Variants in SON observed in about 807,000 individuals in gnomAD.
SON encodes the protein SON DNA and RNA binding protein, also known as protein SON.
Under a neutral mutation model 173.3 loss-of-function variants are expected in SON, and 4 were observed. The ratio of observed to expected loss-of-function variants is 0.02; its 90% CI spans 0.01 to 0.05. SON has a LOEUF of 0.05. Among genes scored for constraint, SON ranks in the 10% least tolerant of loss-of-function variants. The pLI is 1.00. For missense variants in SON, 2,626 were observed against 3,055.3 expected (o/e 0.86, Z 3.31); for synonymous variants, 1,190 against 1,105.9 (o/e 1.08, Z -1.51).
In SON at chr21:33,553,428, G is replaced by A. The variant is rs776922819; in HGVS notation, c.4197G>A (p.Glu1399=). 6.2e-7 allele frequency: 1 copy of A among 1,614,178 alleles called. No individual in the cohort carries two copies. The highest frequency in any genetic ancestry group is 8.5e-7 in the Non-Finnish European group (1 of 1,180,002). The change falls in exon 3 of 12, where the codon GAG becomes GAA. Residue 1399 remains glutamate, a synonymous_variant. Transcript: ENST00000356577. Reference sequence around the variant, plus strand: ...TCCCGGAGCCTCCTGTTGTGGCTGAGCCAGACTATGTTACCATTCCTGTGC... The same window carrying A: ...TCCCGGAGCCTCCTGTTGTGGCTGAACCAGACTATGTTACCATTCCTGTGC... The part of the protein sequence containing the change: ...VTVPEPPVVA[E]PDYVTIPVPV...
intron 8 of SON, among the ~76,000 whole-genome samples, chr21:33,572,806 A>G (rs1476733820): frequency 6.6e-6 from 1 of 150,878 alleles, no homozygotes; most frequent in Non-Finnish European, 1.5e-5. Flanking sequence ...TTTTCTAAGT[A>G]AAATATTTAT....
At chr21:33,560,758 C>A in intron 6 of SON, 1 of 314,630 alleles carries the variant, frequency 3.2e-6, no homozygotes, top group Non-Finnish European at 4.6e-6. Context: ...TAGTTGTCAT[C>A]GCCTCTTGCC....
intron 6 of SON, among the ~76,000 whole-genome samples, chr21:33,563,510 G>A (rs1171517286): frequency 1.3e-5 from 2 of 151,970 alleles, no homozygotes; most frequent in South Asian, 4.1e-4. Flanking sequence ...TTTTATGCCT[G>A]CTTTTGAGAT....
intron 6 of SON, among the ~76,000 whole-genome samples, chr21:33,565,938 A>C (rs1230171397): frequency 6.6e-6 from 1 of 152,194 alleles, no homozygotes; most frequent in Non-Finnish European, 1.5e-5. Context: ...GAAGGTAAGA[A>C]AGATTTGTGA....
Position 33,552,751 on chromosome 21 carries a change from G to C in SON, c.3520G>C (p.Glu1174Gln). Reference protein sequence around the residue: ...EPPMTPPLPPEEPPEGPALPT... With the variant: ...EPPMTPPLPPQEPPEGPALPT... Reference sequence around the variant, plus strand: ...ACCAATGACACCACCATTGCCTCCTGAGGAACCACCAGAGGGTCCAGCATT... The same window carrying C: ...ACCAATGACACCACCATTGCCTCCTCAGGAACCACCAGAGGGTCCAGCATT... The change falls in exon 3 of 12, where the codon GAG becomes CAG. Residue 1174 changes from glutamate to glutamine, a missense_variant. Physicochemically the swap from Glu to Gln is conservative, Grantham distance 29. Around this residue, in one of 13 missense-constraint regions of SON, gnomAD observed 366 missense variants for 448.6 expected, o/e 0.82. Transcript: ENST00000356577. This position sits in a 1 kb window ranked among gnomAD's most constrained non-coding sequence, Gnocchi z 5.6. The C allele has an allele frequency of 6.2e-7, 1 of 1,613,874 alleles. No individual in the cohort carries two copies. Among genetic ancestry groups the C allele is most frequent in the Non-Finnish European group, 8.5e-7 (1 of 1,180,026 alleles).
intron 1 of SON, chr21:33,543,569 T>G (rs1601247637): frequency 1.2e-5 from 3 of 259,590 alleles, no homozygotes; most frequent in Non-Finnish European, 1.5e-5. Context: ...TGCCGGCCGG[T>G]GCCTATGACC....
rs2085854788 is a variant in SON, at chr21:33,553,187, G to A, written c.3956G>A (p.Gly1319Glu). 2 of 1,614,008 alleles carry A rather than the reference G, an allele frequency of 1.2e-6. No homozygotes were observed. The highest frequency in any genetic ancestry group is 1.7e-5 in the Admixed American group (1 of 60,010). Residue 1319 changes from glycine (G) to glutamate (E), a missense_variant, in exon 3 of 12, where the codon GGA (glycine) becomes GAA (glutamate). This residue lies in a region of SON where 1,006 missense variants were observed against 895.6 expected (regional missense o/e 1.12). Transcript: ENST00000356577. The part of the protein sequence containing the change: ...AETFDSMRAS[G>E]HVASEVSTSL... The stretch of plus-strand genomic sequence containing the variant: ...ACATTTGATTCCATGAGAGCCTCAG[G>A]ACATGTTGCCTCAGAAGTATCTACA...
At position 33,552,772 on chromosome 21, in the gene SON, G is replaced by T; in HGVS notation, c.3541G>T (p.Ala1181Ser). 1 of 1,613,760 alleles carries T rather than the reference G, an allele frequency of 6.2e-7. No homozygotes were observed. Among genetic ancestry groups the T allele is most frequent in the Non-Finnish European group, 8.5e-7 (1 of 1,180,022 alleles). The change falls in exon 3 of 12, where the codon GCA becomes TCA. Residue 1181 changes from alanine to serine, a missense_variant. Transcript: ENST00000356577. This position sits in a 1 kb window ranked among gnomAD's most constrained non-coding sequence, Gnocchi z 5.6. Reference sequence around the variant, plus strand: ...TCCTGAGGAACCACCAGAGGGTCCAGCATTGCCCACTGAGCAGTCAGCATT... The same window carrying T: ...TCCTGAGGAACCACCAGAGGGTCCATCATTGCCCACTGAGCAGTCAGCATT... ...LPPEEPPEGPALPTEQSALTA... is the reference protein window; with the variant it reads ...LPPEEPPEGPSLPTEQSALTA...
At chr21:33,544,831 G>A (rs2085577405) in intron 1 of SON, among the ~76,000 whole-genome samples, 1 of 152,134 alleles carries the variant, frequency 6.6e-6, no homozygotes, top group African/African-American at 2.4e-5. Context: ...TTTCAAATTT[G>A]TCATAATTAT....
chr21:33,549,898 T>A lies in SON; in HGVS notation c.667T>A (p.Ser223Thr). 6.2e-7 allele frequency: 1 copy of A among 1,614,066 alleles called. No homozygotes were observed. The highest frequency in any genetic ancestry group is 1.1e-5 in the South Asian group (1 of 91,086). The change falls in exon 3 of 12, where the codon TCA becomes ACA. Residue 223 changes from serine (S) to threonine (T), a missense_variant. Around this residue, in one of 13 missense-constraint regions of SON, gnomAD observed 757 missense variants for 730.1 expected, o/e 1.04. Coordinates refer to ENST00000356577, the MANE Select transcript of SON (RefSeq NM_138927.4). The part of the protein sequence containing the change: ...ELSVVSTSVI[S>T]EQSEQSVAVM... ...GTCAGTTGTATCTACATCAGTAATC[T>A]CAGAGCAGTCAGAGCAGTCTGTGGC...
intron 9 of SON, among the ~76,000 whole-genome samples, chr21:33,573,843 A>G (rs2086341109): frequency 6.8e-6 from 1 of 146,618 alleles, no homozygotes; most frequent in Non-Finnish European, 1.5e-5. Flanking sequence ...ATATTTTAGC[A>G]CATCTTCATT....
In SON at chr21:33,551,460, C is replaced by G. The variant is rs996207927; in HGVS notation, c.2229C>G (p.Ser743=). The G allele has an allele frequency of 2.5e-6, 4 of 1,614,004 alleles. No individual in the cohort carries two copies. In the African/African-American group the frequency reaches 4.0e-5, roughly 16 times the overall value. ...TGCTAGCGTCCAACACCATGGACTC[C>G]CAGATGCTAGCATCCAACACCATGG... ...SQMLASNTMD[S]QMLASNTMDS... The change falls in exon 3 of 12, where the codon TCC becomes TCG. Residue 743 remains serine, a synonymous_variant. Coordinates refer to ENST00000356577, the MANE Select transcript of SON (RefSeq NM_138927.4).
In SON at chr21:33,543,310, C is replaced by T. The variant is rs371860081; in HGVS notation, c.77+141C>T. On this transcript the variant is annotated intron_variant, in intron 1 of 11. Transcript: ENST00000356577. ...CCGCCTGGGCCTGGGATCCATTTTC[C>T]GGGCCCCCCCCAACCGCCCCCCCAG... 6.7e-4 allele frequency: 500 copies of T among 751,038 alleles called. 2 individuals carry two copies. The East Asian group carries it at 0.012, about 18-fold the overall frequency. The allele number at this position is 751,038 out of a possible 1,614,324, so 46.5% of individuals were successfully genotyped here.
chr21:33,553,826 T>G lies in SON; in HGVS notation c.4595T>G (p.Ile1532Arg). Residue 1532 changes from isoleucine to arginine, a missense_variant, in exon 3 of 12, where the codon ATA becomes AGA. By Grantham distance (97) the Ile-to-Arg change is moderately conservative. Around this residue, in one of 13 missense-constraint regions of SON, gnomAD observed 1,006 missense variants for 895.6 expected, o/e 1.12. Coordinates refer to ENST00000356577, the MANE Select transcript of SON (RefSeq NM_138927.4). The stretch of plus-strand genomic sequence containing the variant: ...TACGAAAGTGAACATGGTATAAATA[T>G]AGACCTTAATATAAATAATCATTTA... ...DFYESEHGIN[I>R]DLNINNHLIA... 2 of 1,613,936 alleles carry G rather than the reference T, an allele frequency of 1.2e-6. No homozygotes were observed. The highest frequency in any genetic ancestry group is 1.7e-6 in the Non-Finnish European group (2 of 1,179,866).
chr21:33,554,213 C>G lies in SON; in HGVS notation c.4982C>G (p.Ala1661Gly). 1.2e-6 allele frequency: 2 copies of G among 1,614,084 alleles called. No homozygotes were observed. The highest frequency in any genetic ancestry group is 3.3e-4 in the Middle Eastern group (2 of 6,062). The change falls in exon 3 of 12, where the codon GCT (alanine) becomes GGT (glycine). Residue 1661 changes from alanine to glycine, a missense_variant. Physicochemically the swap from Ala to Gly is moderately conservative, Grantham distance 60. Transcript: ENST00000356577. ...SEADIEGPLP[A>G]KDIHLDLPSN... Reference sequence around the variant, plus strand: ...GCTGACATTGAAGGGCCTTTGCCTGCTAAAGATATTCATCTTGATTTACCA... The same window carrying G: ...GCTGACATTGAAGGGCCTTTGCCTGGTAAAGATATTCATCTTGATTTACCA...
At chr21:33,546,496 T>C (rs183351895) in intron 2 of SON, 117 bp downstream of exon 2, 186 of 846,362 alleles carry the variant, frequency 2.2e-4, no homozygotes, top group African/African-American at 1.5e-3. Flanking sequence ...TTAAAAACTT[T>C]AGGCTGGGTG....
In SON at chr21:33,550,303, C is replaced by T. The variant is rs949150779; in HGVS notation, c.1072C>T (p.Pro358Ser). The change falls in exon 3 of 12, where the codon CCG becomes TCG. Residue 358 changes from proline to serine, a missense_variant. By Grantham distance (74) the Pro-to-Ser change is moderately conservative. Around this residue, in one of 13 missense-constraint regions of SON, gnomAD observed 757 missense variants for 730.1 expected, o/e 1.04. Transcript: ENST00000356577. ...GATTGCAGATTCATCCATGACAAGA[C>T]CGCAGGAGTTGCCGGAGCTGCCTAA... ...SEIADSSMTR[P>S]QELPELPKTT... is the part of the protein sequence containing the mutation. The T allele has an allele frequency of 5.6e-6, 9 of 1,614,082 alleles. No individual in the cohort carries two copies. Among genetic ancestry groups the T allele is most frequent in the Non-Finnish European group, 6.8e-6 (8 of 1,180,006 alleles).
rs2085780161 is a variant in SON at position 33,551,388 on chromosome 21, C to T, written c.2157C>T (p.Asn719=). The T allele has an allele frequency of 6.2e-7, 1 of 1,614,020 alleles. No homozygotes were observed. Among genetic ancestry groups the T allele is most frequent in the African/African-American group, 1.3e-5 (1 of 74,888 alleles). The change falls in exon 3 of 12, where the codon AAC becomes AAT. Residue 719 remains asparagine, a synonymous_variant. Coordinates refer to ENST00000356577, the MANE Select transcript of SON (RefSeq NM_138927.4). The part of the protein sequence containing the change: ...MAPESHILAS[N]TMETHILASN... ...CAGAATCCCATATATTAGCTTCTAA[C>T]ACCATGGAGACCCATATATTAGCAT...
rs2085931768 is a variant in SON, at chr21:33,555,061, GGTA to G, written c.5832_5834del (p.Arg1947del). ...TCGTCGACGAAGGTCTAGATCTGTG[GGTA>G]GAAGAAGGAGCTTTAGCATTTCCCC... On this transcript the variant is annotated inframe_deletion, in exon 3 of 12. Coordinates refer to ENST00000356577, the MANE Select transcript of SON (RefSeq NM_138927.4). 6.2e-7 allele frequency: 1 copy of G among 1,610,774 alleles called. No homozygotes were observed. Among genetic ancestry groups the G allele is most frequent in the Non-Finnish European group, 8.5e-7 (1 of 1,179,042 alleles).
Sources: gnomAD v4.1 joint callset for allele counts (sites outside exome capture counted in the v4.1 genomes callset) on GRCh38, gnomAD v4.1.1 for gene constraint, gnomAD v4.1.1 regional missense constraint, Gnocchi (gnomAD v3.1) non-coding constraint, MANE v1.5 for transcripts, NCBI Gene and HGNC (gene_info 2026-07-23, HGNC 2026-07-21) for gene names.